KIDINS220: variants seen among roughly 807,000 people sequenced by gnomAD.
KIDINS220 encodes the protein kinase D-interacting substrate of 220 kDa.
Under a neutral mutation model 157.6 loss-of-function variants are expected in KIDINS220, and 63 were observed. The observed-to-expected ratio is 0.40, with a 90% CI of 0.33 to 0.49. The LOEUF (loss-of-function observed/expected upper bound fraction) is 0.49. Ranked by LOEUF, KIDINS220 falls within the 20% of genes least tolerant of loss-of-function variation. The pLI is 0.66. For missense variants in KIDINS220, 1,772 were observed against 2,171.2 expected (o/e 0.82, Z 3.65); for synonymous variants, 732 against 783.6 (o/e 0.93, Z 1.10).
chr2:8,790,203 A>C, intron 13 of KIDINS220, 144 bp from the exon 14 acceptor site: 1 of 713,782 alleles, frequency 1.4e-6, no homozygotes, highest in Non-Finnish European at 2.2e-6. Context: ...CCACTTAACC[A>C]TTTTACCCAG....
At chr2:8,819,578 C>G (rs1371499788) in intron 2 of KIDINS220, among the ~76,000 whole-genome samples, 4 of 152,196 alleles carry the variant, frequency 2.6e-5, no homozygotes, top group Admixed American at 2.6e-4. Context: ...AATCCCAGCA[C>G]TTTGGGAGGC....
intron 13 of KIDINS220, 122 bp from the exon 14 acceptor site, chr2:8,790,181 GA>G: frequency 1.2e-6 from 1 of 821,256 alleles, no homozygotes. Flanking sequence ...TAGGTCCCTA[GA>G]TGGAATACTG....
intron 6 of KIDINS220, among the ~76,000 whole-genome samples, chr2:8,806,754 G>A (rs548623484): frequency 7.2e-5 from 11 of 152,150 alleles, no homozygotes; most frequent in South Asian, 2.1e-4. Flanking sequence ...TCATTTTTTC[G>A]TATTTTCAGT....
At chr2:8,791,027 T>C (rs2148275581) in intron 13 of KIDINS220, 33 bp downstream of exon 13, 1 of 1,579,608 alleles carries the variant, frequency 6.3e-7, no homozygotes, top group Non-Finnish European at 8.6e-7. Context: ...CCTTGCTTTA[T>C]ATATACAGAC....
Position 8,731,156 on chromosome 2 carries a change from C to A in KIDINS220, c.4880G>T (p.Gly1627Val). The change falls in exon 30 of 30, where the codon GGA becomes GTA. Residue 1627 changes from glycine (G) to valine (V), a missense_variant. By Grantham distance (109) the Gly-to-Val change is moderately radical (BLOSUM62 -3). Around this residue, in one of 3 missense-constraint regions of KIDINS220, gnomAD observed 793 missense variants for 885.5 expected, o/e 0.90. Transcript: ENST00000256707. This position sits in a 1 kb window ranked among gnomAD's most constrained non-coding sequence, Gnocchi z 5.2. ...LEDDSHSGKR[G>V]IPHSLSGLQD... is the part of the protein sequence containing the mutation. ...CAGGCCACTCAGGCTATGTGGGATTCCCCGCTTTCCGCTGTGACTGTCATC... is the reference window on the plus strand; with the variant it reads ...CAGGCCACTCAGGCTATGTGGGATTACCCGCTTTCCGCTGTGACTGTCATC... 1.2e-6 allele frequency: 2 copies of A among 1,614,168 alleles called. No homozygotes were observed. The highest frequency in any genetic ancestry group is 1.7e-6 in the Non-Finnish European group (2 of 1,180,028).
chr2:8,781,562 T>C (rs72786346), intron 17 of KIDINS220, among the ~76,000 whole-genome samples: 2 of 152,216 alleles, frequency 1.3e-5, no homozygotes, highest in Non-Finnish European at 2.9e-5. Context: ...AAATCATGCA[T>C]ACAATGTCTT....
At chr2:8,799,815 T>C (rs1674446908) in intron 9 of KIDINS220, among the ~76,000 whole-genome samples, 1 of 152,186 alleles carries the variant, frequency 6.6e-6, no homozygotes, top group Non-Finnish European at 1.5e-5. Context: ...CCAAGAACTT[T>C]TTCTAAAGTC....
In KIDINS220 at chr2:8,791,225, C is replaced by G; in HGVS notation, c.1277-1G>C. 6.2e-7 allele frequency: 1 copy of G among 1,611,852 alleles called. No individual in the cohort carries two copies. Among genetic ancestry groups the G allele is most frequent in the Non-Finnish European group, 8.5e-7 (1 of 1,178,470 alleles). On this transcript the variant is annotated splice_acceptor_variant, in intron 12 of 29. Coordinates refer to ENST00000256707, the MANE Select transcript of KIDINS220 (RefSeq NM_020738.4). LOFTEE classifies it high-confidence loss of function. ...TCTGTTTCAGTAGGAGACAAGTGTC[C>G]TGTAATTAAAACACATCATATCTTA...
At chr2:8,761,727 G>C (rs770357927) in intron 22 of KIDINS220, among the ~76,000 whole-genome samples, 8 of 152,158 alleles carry the variant, frequency 5.3e-5, no homozygotes, top group South Asian at 2.1e-4. Context: ...GGCCAAACAT[G>C]CTAATAATGT....
intron 5 of KIDINS220, among the ~76,000 whole-genome samples, chr2:8,812,832 T>C (rs905401350): frequency 1.3e-5 from 2 of 152,186 alleles, no homozygotes; most frequent in Non-Finnish European, 2.9e-5. Context: ...CAGGCAATAC[T>C]AGTAAGAAGA....
At position 8,786,347 on chromosome 2, in the gene KIDINS220, T is replaced by C. The variant is rs1672394975; in HGVS notation, c.1798A>G (p.Thr600Ala). 1 of 1,611,776 alleles carries C rather than the reference T, an allele frequency of 6.2e-7. No homozygotes were observed. Among genetic ancestry groups the C allele is most frequent in the African/African-American group, 1.3e-5 (1 of 74,880 alleles). ...TKALPVRFLF[T>A]DYNRLSSVGG... ...ACACTGGACAGTCTATTGTAATCTG[T>C]AAACAAAAACCTTGAAGAAAAGAAC... The change falls in exon 16 of 30, where the codon ACA becomes GCA. Residue 600 changes from threonine to alanine, a missense_variant. By Grantham distance (58) the Thr-to-Ala change is moderately conservative. This residue lies in a region of KIDINS220 where 725 missense variants were observed against 1,017.1 expected (regional missense o/e 0.71). Transcript: ENST00000256707.
At chr2:8,735,813 C>T (rs564412625) in intron 27 of KIDINS220, among the ~76,000 whole-genome samples, 5 of 152,324 alleles carry the variant, frequency 3.3e-5, no homozygotes, top group African/African-American at 4.8e-5. Context: ...GCCCTAAGCA[C>T]GGAGGAGGCC....
chr2:8,821,454 G>A (rs1677951041), intron 2 of KIDINS220, among the ~76,000 whole-genome samples: 14 of 152,066 alleles, frequency 9.2e-5, no homozygotes, highest in Admixed American at 9.2e-4. Flanking sequence ...CAGCTGGTCT[G>A]TGCCTTTTCC....
chr2:8,815,216 C>T (rs1209494113), intron 4 of KIDINS220, among the ~76,000 whole-genome samples: 2 of 151,940 alleles, frequency 1.3e-5, no homozygotes, highest in African/African-American at 4.8e-5. Flanking sequence ...GCCTGGGCAA[C>T]ATGGCAAAAC....
intron 19 of KIDINS220, 57 bp downstream of exon 19, chr2:8,778,839 A>C: frequency 6.2e-7 from 1 of 1,604,904 alleles, no homozygotes; most frequent in African/African-American, 1.3e-5. Context: ...GAGAGTCGCC[A>C]TAAAGAAACT....
At chr2:8,815,965 C>T (rs1157747237) in intron 4 of KIDINS220, among the ~76,000 whole-genome samples, 1 of 152,120 alleles carries the variant, frequency 6.6e-6, no homozygotes, top group African/African-American at 2.4e-5. Flanking sequence ...TGTCTTCCCT[C>T]AACTTGGGAA....
intron 17 of KIDINS220, among the ~76,000 whole-genome samples, chr2:8,781,932 G>A (rs1226986409): frequency 6.6e-6 from 1 of 152,014 alleles, no homozygotes; most frequent in Non-Finnish European, 1.5e-5. Flanking sequence ...GACCAGTGTG[G>A]GGAACATGGT....
At chr2:8,727,758 T>C (rs1388437343), downstream of KIDINS220, among the ~76,000 whole-genome samples, 1 of 152,182 alleles carries the variant, frequency 6.6e-6, no homozygotes, top group African/African-American at 2.4e-5. Flanking sequence ...TATAAACCCA[T>C]ATAAGTAAAA....
intron 9 of KIDINS220, among the ~76,000 whole-genome samples, chr2:8,798,558 T>A (rs1674274721): frequency 6.6e-6 from 1 of 152,150 alleles, no homozygotes; most frequent in Non-Finnish European, 1.5e-5. Context: ...GTAATCAGAT[T>A]TCAGGAACAC....
Sources: gnomAD v4.1 joint callset for allele counts (sites outside exome capture counted in the v4.1 genomes callset) on GRCh38, gnomAD v4.1.1 for gene constraint, gnomAD v4.1.1 regional missense constraint, Gnocchi (gnomAD v3.1) non-coding constraint, MANE v1.5 for transcripts, NCBI Gene and HGNC (gene_info 2026-07-23, HGNC 2026-07-21) for gene names.